Variants in ALKBH1 observed in about 807,000 individuals in gnomAD.
ALKBH1 encodes the protein alkB homolog 1, histone H2A dioxygenase.
ALKBH1 carries 31 observed loss-of-function variants against 36.6 expected under a neutral mutation model. That is an observed-to-expected ratio of 0.85 (90% confidence interval 0.64 to 1.14). The LOEUF is 1.14. Ranked by LOEUF, ALKBH1 falls within the 50% of genes most tolerant of loss-of-function variation. The pLI is 0.00. For missense variants in ALKBH1, 490 were observed against 497.3 expected (o/e 0.99, Z 0.14); for synonymous variants, 183 against 186.6 (o/e 0.98, Z 0.16).
In ALKBH1 at chr14:77,673,233, T is replaced by G. The variant is rs548916339; in HGVS notation, c.*579A>C. 3 of 152,868 alleles carry G rather than the reference T, an allele frequency of 2.0e-5. No individual in the cohort carries two copies. Among genetic ancestry groups the G allele is most frequent in the East Asian group, 1.9e-4 (1 of 5,186 alleles). 9.5% of individuals were successfully genotyped at this position (152,868 alleles called of 1,614,324 possible). ...ATATTTATCTTTTAGGCAAGAGAGA[T>G]AGTTGTGATTAATTTCTTTTCTAAA... On this transcript the variant is annotated 3_prime_UTR_variant, in exon 6 of 6. Transcript: ENST00000216489.
intron 4 of ALKBH1, 152 bp from the exon 5 acceptor site, chr14:77,676,001 T>TC (rs967685748): frequency 2.9e-6 from 2 of 684,072 alleles, no homozygotes; most frequent in African/African-American, 3.7e-5. Flanking sequence ...TTCTTTTCTT[T>TC]TTTTTTTTTT....
chr14:77,681,373 T>C (rs2080237312), intron 3 of ALKBH1, among the ~76,000 whole-genome samples: 1 of 152,002 alleles, frequency 6.6e-6, no homozygotes. Flanking sequence ...TGGGCAGCAT[T>C]TAAATAGGGA....
intron 2 of ALKBH1, among the ~76,000 whole-genome samples, chr14:77,700,277 T>A (rs1052683061): frequency 6.6e-6 from 1 of 152,178 alleles, no homozygotes; most frequent in Non-Finnish European, 1.5e-5. Context: ...AAATTCTATG[T>A]CTAGATTCTT....
At chr14:77,696,949 C>A in intron 2 of ALKBH1, 1 of 153,856 alleles carries the variant, frequency 6.5e-6, no homozygotes, top group South Asian at 1.9e-4. Context: ...GAGGCATGAC[C>A]CCTGGGTTCC....
Position 77,675,645 on chromosome 14 carries a change from A to G in ALKBH1, c.740+11T>C. The G allele has an allele frequency of 1.3e-6, 2 of 1,587,922 alleles. No homozygotes were observed. Among genetic ancestry groups the G allele is most frequent in the Non-Finnish European group, 1.7e-6 (2 of 1,160,850 alleles). On this transcript the variant is annotated intron_variant, in intron 5 of 5. Coordinates refer to ENST00000216489, the MANE Select transcript of ALKBH1 (RefSeq NM_006020.3). The stretch of plus-strand genomic sequence containing the variant: ...ATAAAAAGTAATCCCAAATCCCTGG[A>G]ACTAACTCACCTGAATGACAGCAAG...
rs778047648 is a variant in ALKBH1 at position 77,704,408 on chromosome 14, C to T, written c.253G>A (p.Val85Ile). The T allele has an allele frequency of 1.3e-5, 21 of 1,614,002 alleles. No individual in the cohort carries two copies. Among genetic ancestry groups the T allele is most frequent in the Middle Eastern group, 1.6e-4 (1 of 6,084 alleles). The change falls in exon 2 of 6, where the codon GTC becomes ATC. Residue 85 changes from valine to isoleucine, a missense_variant. Coordinates refer to ENST00000216489, the MANE Select transcript of ALKBH1 (RefSeq NM_006020.3). Reference protein sequence around the residue: ...QNAYRAGLQPVSKWQAYGLKG... With the variant: ...QNAYRAGLQPISKWQAYGLKG... ...AGTCCATAGGCTTGCCACTTGCTGA[C>T]GGGCTGAAGACCTGCTCTATATGCA...
chr14:77,674,109 A>T lies in ALKBH1; in HGVS notation c.873T>A (p.Arg291=), dbSNP rs1233589565. ...FSRLLNHAVP[R]VLPNPEGEGL... Reference sequence around the variant, plus strand: ...CTTCCCCTTCTGGATTTGGAAGGACACGAGGGACTGCGTGGTTCAAGAGGC... The same window carrying T: ...CTTCCCCTTCTGGATTTGGAAGGACTCGAGGGACTGCGTGGTTCAAGAGGC... Residue 291 remains arginine, a synonymous_variant, in exon 6 of 6, where the codon CGT becomes CGA. Coordinates refer to ENST00000216489, the MANE Select transcript of ALKBH1 (RefSeq NM_006020.3). The T allele has an allele frequency of 2.5e-6, 4 of 1,614,224 alleles. No individual in the cohort carries two copies. Among genetic ancestry groups the T allele is most frequent in the Non-Finnish European group, 3.4e-6 (4 of 1,180,046 alleles).
Position 77,674,011 on chromosome 14 carries a change from A to G in ALKBH1, c.971T>C (p.Met324Thr), listed in dbSNP as rs752940362. The G allele has an allele frequency of 3.3e-5, 54 of 1,614,068 alleles. No homozygotes were observed. Among genetic ancestry groups the G allele is most frequent in the Non-Finnish European group, 4.1e-5 (48 of 1,180,032 alleles). The change falls in exon 6 of 6, where the codon ATG becomes ACG. Residue 324 changes from methionine to threonine, a missense_variant. By Grantham distance (81) the Met-to-Thr change is moderately conservative (BLOSUM62 -1). Coordinates refer to ENST00000216489, the MANE Select transcript of ALKBH1 (RefSeq NM_006020.3). ...GCTGGCACACACCTGCCAGTCCTCC[A>G]TAGAACAAGGCTCTACCATTGAATC... ...PRDSMVEPCSMEDWQVCASYL... is the reference protein window; with the variant it reads ...PRDSMVEPCSTEDWQVCASYL...
rs770497663 is a variant in ALKBH1 at position 77,674,127 on chromosome 14, C to G, written c.855G>C (p.Leu285Phe). Reference protein sequence around the residue: ...IMIMSGFSRLLNHAVPRVLPN... With the variant: ...IMIMSGFSRLFNHAVPRVLPN... ...GAAGGACACGAGGGACTGCGTGGTTCAAGAGGCGGCTGAAACCCGACATTA... is the reference window on the plus strand; with the variant it reads ...GAAGGACACGAGGGACTGCGTGGTTGAAGAGGCGGCTGAAACCCGACATTA... Residue 285 changes from leucine (L) to phenylalanine (F), a missense_variant, in exon 6 of 6, where the codon TTG (leucine) becomes TTC (phenylalanine). Transcript: ENST00000216489. 1.2e-6 allele frequency: 2 copies of G among 1,614,056 alleles called. No homozygotes were observed. Among genetic ancestry groups the G allele is most frequent in the Non-Finnish European group, 1.7e-6 (2 of 1,180,046 alleles).
chr14:77,680,918 C>T (rs1301809551), intron 3 of ALKBH1, among the ~76,000 whole-genome samples: 7 of 151,982 alleles, frequency 4.6e-5, no homozygotes, highest in Non-Finnish European at 7.4e-5. Context: ...TCAGGTGATC[C>T]GCCTGCCTCG....
At chr14:77,690,023 C>A (rs1566814749) in intron 3 of ALKBH1, among the ~76,000 whole-genome samples, 1 of 152,002 alleles carries the variant, frequency 6.6e-6, no homozygotes, top group Non-Finnish European at 1.5e-5. Flanking sequence ...CAAACCAAAG[C>A]AAGAAGATAA....
intron 2 of ALKBH1, among the ~76,000 whole-genome samples, chr14:77,703,045 G>C (rs1439912913): frequency 3.3e-5 from 5 of 151,956 alleles, no homozygotes; most frequent in Admixed American, 2.0e-4. Context: ...TCAGCTACTC[G>C]GGAGGCAGAA....
intron 2 of ALKBH1, among the ~76,000 whole-genome samples, chr14:77,699,890 TA>T (rs369182024): frequency 0.014 from 2,188 of 151,810 alleles, 28 homozygotes; most frequent in South Asian, 0.044. Context: ...CCGTCTCTAC[TA>T]AAAAATACAA....
intron 3 of ALKBH1, among the ~76,000 whole-genome samples, chr14:77,688,015 C>CA (rs1408530749): frequency 6.6e-6 from 1 of 152,040 alleles, no homozygotes; most frequent in Non-Finnish European, 1.5e-5. Context: ...ACAGGCATTT[C>CA]AAAAAACAGT....
chr14:77,675,722 T>C lies in ALKBH1; in HGVS notation c.674A>G (p.Asp225Gly), dbSNP rs2080201589. 2 of 1,613,906 alleles carry C rather than the reference T, an allele frequency of 1.2e-6. No homozygotes were observed. Among genetic ancestry groups the C allele is most frequent in the African/African-American group, 1.3e-5 (1 of 74,858 alleles). ...EAGILNYYRL[D>G]STLGIHVDRS... ...GTCTACGTGGATTCCCAGTGTGGAG[T>C]CCAGGCGGTAGTAATTCAGGATCCC... is the stretch of plus-strand genomic sequence containing the variant. The change falls in exon 5 of 6, where the codon GAC becomes GGC. Residue 225 changes from aspartate to glycine, a missense_variant. Asp to Gly is a moderately conservative substitution (Grantham distance 94). Transcript: ENST00000216489.
At position 77,696,154 on chromosome 14, in the gene ALKBH1, T is replaced by C. The variant is rs573195105; in HGVS notation, c.293-1254A>G. Among the ~76,000 whole-genome samples the C allele has an allele frequency of 1.1e-4, 17 of 152,304 alleles. No individual in the cohort carries two copies. The South Asian group carries it at 3.3e-3, about 30-fold the overall frequency. On this transcript the variant is annotated intron_variant, in intron 2 of 5. Coordinates refer to ENST00000216489, the MANE Select transcript of ALKBH1 (RefSeq NM_006020.3). ...CTACGCATGGTAAAGATTCATTCAT[T>C]CATCAAACACACAATATGTGCCAGG...
chr14:77,677,877 T>G (rs1439919201), intron 4 of ALKBH1, among the ~76,000 whole-genome samples: 1 of 152,168 alleles, frequency 6.6e-6, no homozygotes, highest in Non-Finnish European at 1.5e-5. Context: ...AGATAGCCTC[T>G]GCTATAATGA....
intron 2 of ALKBH1, among the ~76,000 whole-genome samples, chr14:77,698,080 G>A (rs760031096): frequency 9.2e-5 from 14 of 152,152 alleles, no homozygotes; most frequent in Non-Finnish European, 5.9e-5. Context: ...ATAAAGACAA[G>A]TTAAACTCCT....
chr14:77,704,376 G>A lies in ALKBH1; in HGVS notation c.285C>T (p.Gly95=). The part of the protein sequence containing the change: ...VSKWQAYGLK[G]YPGFIFIPNP... ...GAGGTCAGTTACACTCACCAGGATA[G>A]CCTTTGAGTCCATAGGCTTGCCACT... is the stretch of plus-strand genomic sequence containing the variant. The change falls in exon 2 of 6, where the codon GGC becomes GGT. Residue 95 remains glycine (G), a synonymous_variant. Coordinates refer to ENST00000216489, the MANE Select transcript of ALKBH1 (RefSeq NM_006020.3). The A allele has an allele frequency of 1.2e-6, 2 of 1,612,532 alleles. No individual in the cohort carries two copies. The highest frequency in any genetic ancestry group is 1.7e-6 in the Non-Finnish European group (2 of 1,178,534).
Sources: gnomAD v4.1 joint callset for allele counts (sites outside exome capture counted in the v4.1 genomes callset) on GRCh38, gnomAD v4.1.1 for gene constraint, MANE v1.5 for transcripts, NCBI Gene and HGNC (gene_info 2026-07-23, HGNC 2026-07-21) for gene names.